Variants in KCNIP1 observed in about 807,000 individuals in gnomAD.
KCNIP1 encodes A-type potassium channel modulatory protein KCNIP1.
In KCNIP1, 18 loss-of-function variants were observed where a neutral mutation model predicts 33.0. That is an observed-to-expected ratio of 0.55 (90% CI 0.38 to 0.81). The LOEUF is 0.81. KCNIP1 is among the 30% of genes least tolerant of loss of function. KCNIP1 has a pLI of 0.00. For missense variants in KCNIP1, 238 were observed against 271.6 expected (o/e 0.88, Z 0.87); for synonymous variants, 93 against 98.3 (o/e 0.95, Z 0.32).
intron 1 of KCNIP1, among the ~76,000 whole-genome samples, chr5:170,428,771 C>T (rs760124811): frequency 4.6e-5 from 7 of 152,146 alleles, no homozygotes; most frequent in African/African-American, 1.7e-4. Context: ...CCACCTTTCC[C>T]TTCTCAATGC....
At chr5:170,474,686 A>G (rs1391898173) in intron 1 of KCNIP1, among the ~76,000 whole-genome samples, 1 of 152,184 alleles carries the variant, frequency 6.6e-6, no homozygotes, top group African/African-American at 2.4e-5. Flanking sequence ...AGGGTAAGTG[A>G]CTTGTCCAAG....
chr5:170,655,274 C>G (rs572093249), intron 1 of KCNIP1, among the ~76,000 whole-genome samples: 1 of 152,188 alleles, frequency 6.6e-6, no homozygotes, highest in South Asian at 2.1e-4. Context: ...ATTCGGGGCC[C>G]TGTTGTATAA....
intron 1 of KCNIP1, among the ~76,000 whole-genome samples, chr5:170,674,023 A>T (rs538551366): frequency 6.6e-6 from 1 of 152,218 alleles, no homozygotes; most frequent in East Asian, 1.9e-4. Flanking sequence ...CCATCTCTGC[A>T]CTACTGACAT....
At chr5:170,672,747 G>T (rs945479208) in intron 1 of KCNIP1, among the ~76,000 whole-genome samples, 2 of 152,198 alleles carry the variant, frequency 1.3e-5, no homozygotes, top group African/African-American at 2.4e-5. Flanking sequence ...CAGGAGGGAG[G>T]GGGGCAGAAA....
intron 1 of KCNIP1, among the ~76,000 whole-genome samples, chr5:170,585,332 A>G (rs918645048): frequency 2.0e-5 from 3 of 152,156 alleles, no homozygotes; most frequent in Non-Finnish European, 4.4e-5. Flanking sequence ...GTCCAGGGTC[A>G]TCAGTGAGTT....
intron 1 of KCNIP1, among the ~76,000 whole-genome samples, chr5:170,434,942 G>A (rs540930066): frequency 4.6e-5 from 7 of 152,316 alleles, no homozygotes; most frequent in South Asian, 2.1e-4. Context: ...GCGACAGAGC[G>A]AGACTCCATC....
Position 170,721,816 on chromosome 5 carries a change from C to G in KCNIP1, c.257-17C>G. 1 of 1,614,212 alleles carries G rather than the reference C, an allele frequency of 6.2e-7. No homozygotes were observed. Among genetic ancestry groups the G allele is most frequent in the Non-Finnish European group, 8.5e-7 (1 of 1,180,032 alleles). On this transcript the variant is annotated splice_polypyrimidine_tract_variant and intron_variant, in intron 3 of 7. Coordinates refer to ENST00000328939, the MANE Select transcript of KCNIP1 (RefSeq NM_014592.4). ...AATTCCTGCCCCCATCACCTGCCCT[C>G]CTTTTCTGCCTTGTAGATGCCAGCA... is the stretch of plus-strand genomic sequence containing the variant.
At chr5:170,383,860 C>T (rs1268253581) in intron 1 of KCNIP1, 4 of 1,613,316 alleles carry the variant, frequency 2.5e-6, no homozygotes, top group Admixed American at 1.7e-5. Flanking sequence ...GCTGAGGAGA[C>T]CACACACATG....
chr5:170,530,703 C>T (rs1755756140), intron 1 of KCNIP1, among the ~76,000 whole-genome samples: 1 of 152,244 alleles, frequency 6.6e-6, no homozygotes, highest in South Asian at 2.1e-4. Context: ...GCCACGCTTG[C>T]ATCCAGGGCT....
chr5:170,467,650 G>A (rs1756635291), intron 1 of KCNIP1, among the ~76,000 whole-genome samples: 3 of 152,166 alleles, frequency 2.0e-5, no homozygotes, highest in South Asian at 4.1e-4. Context: ...GGGCGCGGTG[G>A]CTCACGCCTG....
At chr5:170,674,652 T>G (rs940876205) in intron 1 of KCNIP1, among the ~76,000 whole-genome samples, 16 of 152,112 alleles carry the variant, frequency 1.1e-4, no homozygotes, top group Non-Finnish European at 1.6e-4. Context: ...GTTCTGAAAT[T>G]TATCCCAAAG....
chr5:170,653,853 C>G (rs569065293), intron 1 of KCNIP1, among the ~76,000 whole-genome samples: 20 of 152,182 alleles, frequency 1.3e-4, no homozygotes, highest in African/African-American at 4.6e-4. Context: ...CACTCCCACC[C>G]TGGGCCAAGC....
intron 1 of KCNIP1, among the ~76,000 whole-genome samples, chr5:170,667,745 G>T (rs1761760669): frequency 6.6e-6 from 1 of 152,228 alleles, no homozygotes; most frequent in South Asian, 2.1e-4. Context: ...ATCCCATAAG[G>T]TTGCTGGGGA....
At chr5:170,476,186 G>A (rs115882163) in intron 1 of KCNIP1, among the ~76,000 whole-genome samples, 1,694 of 152,220 alleles carry the variant, frequency 0.011, 34 homozygotes, top group African/African-American at 0.039. Context: ...GCCCAGGATG[G>A]TCTTTCACTT....
At chr5:170,355,924 T>C (rs553231209) in intron 1 of KCNIP1, among the ~76,000 whole-genome samples, 1 of 152,348 alleles carries the variant, frequency 6.6e-6, no homozygotes, top group African/African-American at 2.4e-5. Flanking sequence ...CGCATCTGTC[T>C]TCTTTGCTTC....
chr5:170,517,427 ATTG>A (rs1405565798), intron 1 of KCNIP1, among the ~76,000 whole-genome samples: 1 of 152,190 alleles, frequency 6.6e-6, no homozygotes, highest in Non-Finnish European at 1.5e-5. Flanking sequence ...AAGGGATAAT[ATTG>A]TTGATGATGG....
chr5:170,367,349 A>ACAAG (rs372538602), intron 1 of KCNIP1, among the ~76,000 whole-genome samples: 1 of 76,890 alleles, frequency 1.3e-5, no homozygotes, highest in African/African-American at 5.7e-5. Flanking sequence ...GAAGGAAAGA[A>ACAAG]AAAGAAAGAA....
rs1373519679 is a variant in KCNIP1, at chr5:170,397,091, C to T, written c.88+43127C>T. 2.0e-5 allele frequency among the ~76,000 whole-genome samples: 3 copies of T among 152,158 alleles called. No individual in the cohort carries two copies. The East Asian group carries it at 5.8e-4, about 29-fold the overall frequency. ...TAAGACCTCTGTTTTAATGTTAATG[C>T]TGGTAAGTTGTGCCTGAATACCAAA... On this transcript the variant is annotated intron_variant, in intron 1 of 7. Transcript: ENST00000377360.
At chr5:170,656,513 C>T (rs1280035570) in intron 1 of KCNIP1, among the ~76,000 whole-genome samples, 1 of 152,198 alleles carries the variant, frequency 6.6e-6, no homozygotes, top group South Asian at 2.1e-4. Flanking sequence ...CCTCAGCTGC[C>T]GCTGCCAGTC....
Sources: allele counts gnomAD v4.1 joint callset (sites outside exome capture counted in the v4.1 genomes callset), GRCh38; gene constraint gnomAD v4.1.1; transcripts MANE v1.5; gene names NCBI Gene and HGNC (gene_info 2026-07-23, HGNC 2026-07-21).